PPP1R16B: variants seen among roughly 807,000 people sequenced by gnomAD.
PPP1R16B encodes protein phosphatase 1 regulatory inhibitor subunit 16B.
A neutral mutation model predicts 61.7 loss-of-function variants in PPP1R16B; 14 were observed. The ratio of observed to expected loss-of-function variants is 0.23; its 90% confidence interval spans 0.15 to 0.35. The LOEUF (loss-of-function observed/expected upper bound fraction) is 0.35, where lower values mean the gene tolerates loss of function less well. Among genes scored for constraint, PPP1R16B ranks in the 10% least tolerant of loss-of-function variants. PPP1R16B has a pLI of 1.00. For synonymous variants in PPP1R16B, 266 were observed against 305.3 expected (o/e 0.87, Z 1.34); for missense variants, 547 against 752.5 (o/e 0.73, Z 3.19).
intron 1 of PPP1R16B, among the ~76,000 whole-genome samples, chr20:38,832,406 G>T (rs2084843104): frequency 3.9e-5 from 6 of 152,180 alleles, no homozygotes; most frequent in Admixed American, 3.9e-4. Flanking sequence ...CTAGCTCCCA[G>T]AGAGGTCTGA....
At position 38,855,943 on chromosome 20, in the gene PPP1R16B, T is replaced by TAG. The variant is rs1293814608; in HGVS notation, c.250+19806_250+19807dup. 3.7e-3 allele frequency among the ~76,000 whole-genome samples: 55 copies of TAG among 15,062 alleles called. 3 individuals carry two copies. Among genetic ancestry groups the TAG allele is most frequent in the Non-Finnish European group, 4.7e-3 (47 of 10,096 alleles). 9.9% of individuals were successfully genotyped at this position (15,062 alleles called of 152,430 possible). ...ATATATATATATATATATATATATA[T>TAG]AGAGAGAGAGAGAGAGAGAGAGAGA... On this transcript the variant is annotated intron_variant, in intron 2 of 10. Coordinates refer to ENST00000299824, the MANE Select transcript of PPP1R16B (RefSeq NM_015568.4).
chr20:38,895,411 G>A (rs1201818838), intron 3 of PPP1R16B, among the ~76,000 whole-genome samples, 154 bp from the exon 4 acceptor site: 1 of 151,984 alleles, frequency 6.6e-6, no homozygotes, highest in Non-Finnish European at 1.5e-5. Flanking sequence ...AAGGTCAAGG[G>A]CAATGCTTAC....
At chr20:38,911,618 C>A (rs538140541) in intron 10 of PPP1R16B, among the ~76,000 whole-genome samples, 4 of 151,746 alleles carry the variant, frequency 2.6e-5, no homozygotes, top group Non-Finnish European at 5.9e-5. Flanking sequence ...CTCACTACAA[C>A]CTCTGCCTCC....
intron 2 of PPP1R16B, among the ~76,000 whole-genome samples, chr20:38,848,519 G>A (rs2084948792): frequency 6.6e-6 from 1 of 152,126 alleles, no homozygotes; most frequent in South Asian, 2.1e-4. Flanking sequence ...CTTAATATGT[G>A]ATAAAACAAG....
intron 1 of PPP1R16B, among the ~76,000 whole-genome samples, chr20:38,829,808 G>T (rs548445743): frequency 6.6e-6 from 1 of 152,350 alleles, no homozygotes; most frequent in East Asian, 1.9e-4. Flanking sequence ...CTCAGACGGG[G>T]GTGGGAGGAG....
At chr20:38,873,210 G>C (rs910779266) in intron 2 of PPP1R16B, 2 of 152,330 alleles carry the variant, frequency 1.3e-5, no homozygotes, top group African/African-American at 4.8e-5. Flanking sequence ...GGTGGAAATA[G>C]AAACCCTTAG....
chr20:38,829,013 A>T (rs146877055), intron 1 of PPP1R16B, among the ~76,000 whole-genome samples: 18 of 152,298 alleles, frequency 1.2e-4, no homozygotes, highest in African/African-American at 3.6e-4. Context: ...GTACCCTGCC[A>T]TACTTTCTTG....
chr20:38,810,599 C>T (rs2084694506), intron 1 of PPP1R16B, among the ~76,000 whole-genome samples: 2 of 152,200 alleles, frequency 1.3e-5, no homozygotes, highest in South Asian at 4.1e-4. Flanking sequence ...GACTCAGTTT[C>T]TCACCTGAGA....
intron 1 of PPP1R16B, among the ~76,000 whole-genome samples, chr20:38,810,511 GA>G (rs2084693703): frequency 6.6e-6 from 1 of 152,166 alleles, no homozygotes; most frequent in African/African-American, 2.4e-5. Flanking sequence ...TTCCACCCAG[GA>G]AGCACGAAGA....
intron 3 of PPP1R16B, among the ~76,000 whole-genome samples, chr20:38,894,856 C>T (rs1424904149): frequency 6.6e-6 from 1 of 152,228 alleles, no homozygotes; most frequent in Non-Finnish European, 1.5e-5. Context: ...AGGCTGCAGG[C>T]TGCTGGCCCT....
At chr20:38,859,287 G>C (rs1320783618) in intron 2 of PPP1R16B, among the ~76,000 whole-genome samples, 1 of 151,940 alleles carries the variant, frequency 6.6e-6, no homozygotes, top group Non-Finnish European at 1.5e-5. Flanking sequence ...CTGCTAGTGC[G>C]GGTTCCTTTT....
In PPP1R16B at chr20:38,907,645, C is replaced by A. The variant is rs926657633; in HGVS notation, c.899-161C>A. Among the ~76,000 whole-genome samples the A allele has an allele frequency of 5.3e-5, 8 of 152,154 alleles. No individual in the cohort carries two copies. Among genetic ancestry groups the A allele is most frequent in the African/African-American group, 1.9e-4 (8 of 41,434 alleles). On this transcript the variant is annotated intron_variant, in intron 8 of 10. Coordinates refer to ENST00000299824, the MANE Select transcript of PPP1R16B (RefSeq NM_015568.4). The surrounding 1 kb of genome is among the most constrained non-coding windows in gnomAD (Gnocchi z 4.5). ...CTTATAATCCTCTTATAAACACACT[C>A]ACTCAACTTTGGCTGGCATTGTTTT...
At chr20:38,873,901 G>A (rs1248246718) in intron 2 of PPP1R16B, among the ~76,000 whole-genome samples, 1 of 151,938 alleles carries the variant, frequency 6.6e-6, no homozygotes, top group African/African-American at 2.4e-5. Context: ...GCTAATTTTT[G>A]TATTTTTAGT....
chr20:38,816,691 A>T (rs1013072247), intron 1 of PPP1R16B, among the ~76,000 whole-genome samples: 1 of 152,210 alleles, frequency 6.6e-6, no homozygotes, highest in African/African-American at 2.4e-5. Flanking sequence ...GAGAAAATCA[A>T]CTGAATCAGC....
intron 2 of PPP1R16B, among the ~76,000 whole-genome samples, chr20:38,836,526 C>CA (rs968370448): frequency 6.6e-5 from 10 of 151,880 alleles, no homozygotes; most frequent in East Asian, 3.9e-4. Context: ...CTAATTAAAA[C>CA]AAAAAAAATT....
intron 1 of PPP1R16B, among the ~76,000 whole-genome samples, chr20:38,819,834 A>G (rs1187465540): frequency 1.3e-5 from 2 of 152,228 alleles, no homozygotes; most frequent in Non-Finnish European, 2.9e-5. Flanking sequence ...AATACACAAA[A>G]GTACACAAAT....
chr20:38,837,341 G>A (rs1300096761), intron 2 of PPP1R16B, among the ~76,000 whole-genome samples: 2 of 152,126 alleles, frequency 1.3e-5, no homozygotes, highest in Non-Finnish European at 2.9e-5. Context: ...CCCTTATGCT[G>A]AGGAAGTGAT....
At chr20:38,855,650 G>C (rs959078761) in intron 2 of PPP1R16B, among the ~76,000 whole-genome samples, 3 of 151,860 alleles carry the variant, frequency 2.0e-5, no homozygotes, top group Admixed American at 6.6e-5. Context: ...CTGGTTAAGG[G>C]CAGGGCCCTG....
intron 2 of PPP1R16B, among the ~76,000 whole-genome samples, chr20:38,842,239 T>C (rs1286562304): frequency 6.6e-6 from 1 of 152,232 alleles, no homozygotes; most frequent in Non-Finnish European, 1.5e-5. Context: ...GAACCCTCAG[T>C]TGCTGTACTG....
Sources: allele counts gnomAD v4.1 joint callset (sites outside exome capture counted in the v4.1 genomes callset), GRCh38; gene constraint gnomAD v4.1.1; non-coding constraint Gnocchi (gnomAD v3.1); transcripts MANE v1.5; gene names NCBI Gene and HGNC (gene_info 2026-07-23, HGNC 2026-07-21).